PRSS3: variants seen among roughly 807,000 people sequenced by gnomAD.
PRSS3 encodes the protein serine protease 3, also known as trypsin-3.
A neutral mutation model predicts 20.8 loss-of-function variants in PRSS3; 14 were observed. That is an observed-to-expected ratio of 0.67 (90% CI 0.44 to 1.05). The LOEUF is 1.05. Ranked by LOEUF, PRSS3 falls within the 50% of genes least tolerant of loss-of-function variation. The pLI is 0.00. For synonymous variants in PRSS3, 91 were observed against 117.6 expected (o/e 0.77, Z 1.46); for missense variants, 237 against 306.4 (o/e 0.77, Z 1.69).
chr9:33,772,603 T>C (rs543668933), intron 1 of PRSS3, among the ~76,000 whole-genome samples: 1 of 152,334 alleles, frequency 6.6e-6, no homozygotes, highest in East Asian at 1.9e-4. Flanking sequence ...TTGTCGCTCT[T>C]CTTGCTTGTC....
intron 1 of PRSS3, among the ~76,000 whole-genome samples, chr9:33,751,241 T>C (rs1239189385): frequency 2.6e-5 from 4 of 152,206 alleles, no homozygotes; most frequent in Non-Finnish European, 5.9e-5. Context: ...CTGCCTTTCC[T>C]TGTTAGCTGC....
chr9:33,769,634 C>T (rs1257162712), intron 1 of PRSS3, among the ~76,000 whole-genome samples: 1 of 152,176 alleles, frequency 6.6e-6, no homozygotes, highest in East Asian at 1.9e-4. Flanking sequence ...GAAGAATGAC[C>T]CTGAAGCTAG....
chr9:33,782,463 A>G (rs1036159411), intron 1 of PRSS3, among the ~76,000 whole-genome samples: 2 of 152,214 alleles, frequency 1.3e-5, no homozygotes, highest in African/African-American at 2.4e-5. Flanking sequence ...ATATGTTAAA[A>G]TGAGTACCTA....
chr9:33,770,991 C>T (rs980552185), intron 1 of PRSS3, among the ~76,000 whole-genome samples: 7 of 152,110 alleles, frequency 4.6e-5, no homozygotes, highest in Admixed American at 2.6e-4. Flanking sequence ...GAAAGGCAAA[C>T]CTGTAGAAAT....
upstream of PRSS3, among the ~76,000 whole-genome samples, chr9:33,792,362 A>G (rs1824672809): frequency 6.6e-6 from 1 of 152,180 alleles, no homozygotes; most frequent in Non-Finnish European, 1.5e-5. Context: ...TTGGAATCTG[A>G]CACTTTTCAG....
chr9:33,757,964 C>T (rs929087740), intron 1 of PRSS3, among the ~76,000 whole-genome samples: 2 of 152,158 alleles, frequency 1.3e-5, no homozygotes, highest in African/African-American at 4.8e-5. Context: ...TTCAAAACTC[C>T]CATATCACCT....
chr9:33,767,180 C>T (rs146105378), intron 1 of PRSS3, among the ~76,000 whole-genome samples: 129 of 152,212 alleles, frequency 8.5e-4, no homozygotes, highest in South Asian at 2.1e-4. Context: ...ATTGGCCAGG[C>T]CTGGTGGCTC....
At chr9:33,798,459 T>G (rs1051763239) in intron 3 of PRSS3, 27 bp from the exon 4 acceptor site, 1 of 1,610,424 alleles carries the variant, frequency 6.2e-7, no homozygotes, top group Non-Finnish European at 8.5e-7. Flanking sequence ...ATTTCTACTT[T>G]CTTTGATCTC....
upstream of PRSS3, chr9:33,793,669 C>T: frequency 2.0e-6 from 2 of 977,634 alleles, no homozygotes; most frequent in Non-Finnish European, 2.4e-6. Flanking sequence ...TAGATGTCAC[C>T]TGCAGCAATT....
chr9:33,786,580 A>G (rs1484732124), intron 1 of PRSS3: 9 of 766,282 alleles, frequency 1.2e-5, no homozygotes, highest in African/African-American at 3.4e-5. Context: ...ATATCTGTCA[A>G]CGTGGAACCT....
intron 1 of PRSS3, among the ~76,000 whole-genome samples, chr9:33,781,900 A>G (rs10971701): frequency 0.061 from 9,251 of 152,244 alleles, 392 homozygotes; most frequent in Non-Finnish European, 0.091. Context: ...GGGTGTGGAG[A>G]GGCTGTTCTG....
intron 1 of PRSS3, among the ~76,000 whole-genome samples, chr9:33,759,719 A>C (rs1160366009): frequency 2.6e-5 from 4 of 152,200 alleles, no homozygotes; most frequent in African/African-American, 9.7e-5. Flanking sequence ...TGAGTCTGAG[A>C]CTTAGAGACA....
upstream of PRSS3, chr9:33,794,865 A>G: frequency 1.3e-6 from 2 of 1,550,850 alleles, no homozygotes; most frequent in Non-Finnish European, 1.7e-6. Flanking sequence ...CATCCTCCAG[A>G]TGCACTGAGT....
chr9:33,794,099 G>T (rs7025702), upstream of PRSS3, among the ~76,000 whole-genome samples: 8,157 of 152,086 alleles, frequency 0.054, 430 homozygotes, highest in African/African-American at 0.19. Context: ...CAACTCCACG[G>T]GCCCCACATT....
At chr9:33,777,575 T>C (rs1018562838) in intron 1 of PRSS3, among the ~76,000 whole-genome samples, 1 of 138,780 alleles carries the variant, frequency 7.2e-6, no homozygotes, top group Non-Finnish European at 1.5e-5. Flanking sequence ...AGGTGGTGGG[T>C]ACCTGTAGTC....
chr9:33,786,363 A>T (rs1824411074), intron 1 of PRSS3: 1 of 614,232 alleles, frequency 1.6e-6, no homozygotes, highest in Non-Finnish European at 2.9e-6. Context: ...GATGAAGGGG[A>T]TATGTTAGAT....
chr9:33,751,313 T>C (rs1355546982), intron 1 of PRSS3, among the ~76,000 whole-genome samples: 4 of 152,178 alleles, frequency 2.6e-5, no homozygotes, highest in Non-Finnish European at 5.9e-5. Flanking sequence ...TCTAATAACA[T>C]TGGGCGGTGG....
At chr9:33,789,485 C>G (rs541347500) in intron 1 of PRSS3, among the ~76,000 whole-genome samples, 1 of 152,238 alleles carries the variant, frequency 6.6e-6, no homozygotes, top group South Asian at 2.1e-4. Context: ...TTAACTGTTT[C>G]TAGGATTAGT....
At chr9:33,779,132 T>A (rs975902590) in intron 1 of PRSS3, among the ~76,000 whole-genome samples, 1 of 152,034 alleles carries the variant, frequency 6.6e-6, no homozygotes, top group African/African-American at 2.4e-5. Flanking sequence ...ACCAACCCTA[T>A]CAGATGAGAA....
Sources: gnomAD v4.1 joint callset for allele counts (sites outside exome capture counted in the v4.1 genomes callset) on GRCh38, gnomAD v4.1.1 for gene constraint, MANE v1.5 for transcripts, NCBI Gene and HGNC (gene_info 2026-07-23, HGNC 2026-07-21) for gene names.